The following PSME2 variants were observed in gnomAD, a reference collection of about 807,000 sequenced individuals.
The protein encoded by PSME2 is proteasome activator complex subunit 2.
PSME2 carries 20 observed loss-of-function variants against 38.8 expected under a neutral mutation model. The observed-to-expected ratio is 0.52, with a 90% CI of 0.36 to 0.75. The LOEUF is 0.75. PSME2 is among the 30% of genes least tolerant of loss of function. The pLI is 0.00. For synonymous variants in PSME2, 82 were observed against 102.5 expected, an observed-to-expected ratio of 0.80 and a Z score of 1.21; for missense variants, 227 against 287.6, an observed-to-expected ratio of 0.79 and a Z score of 1.52.
chr14:24,143,778 C>A lies in PSME2; in HGVS notation c.553-107G>T. On this transcript the variant is annotated intron_variant, in intron 9 of 10. Coordinates refer to ENST00000216802, the MANE Select transcript of PSME2 (RefSeq NM_002818.3). The surrounding 1 kb of genome is among the most constrained non-coding windows in gnomAD (Gnocchi z 4.4). ...AACTTGAGAATGAACCCCTTCTTAG[C>A]ACCAAGAAATAGGATCCCAAAGGAC... 7.4e-7 allele frequency: 1 copy of A among 1,344,498 alleles called. No individual in the cohort carries two copies. Among genetic ancestry groups the A allele is most frequent in the Non-Finnish European group, 1.1e-6 (1 of 949,972 alleles). 83.3% of individuals were successfully genotyped at this position (1,344,498 alleles called of 1,614,324 possible). A position where few individuals can be genotyped will look rare whatever the true frequency, so the allele number is the denominator to read the frequency against.
intron 6 of PSME2, 119 bp from the exon 7 acceptor site, chr14:24,144,587 GCCAT>G: frequency 1.1e-6 from 1 of 922,978 alleles, no homozygotes; most frequent in Non-Finnish European, 1.7e-6. Flanking sequence ...CAGGTACTGT[GCCAT>G]GTATTTATTT....
Position 24,145,391 on chromosome 14 carries a change from G to C in PSME2, c.219C>G (p.Pro73=), listed in dbSNP as rs1320090892. The change falls in exon 4 of 11, where the codon CCC becomes CCG. Residue 73 remains proline (P), a synonymous_variant. Coordinates refer to ENST00000216802, the MANE Select transcript of PSME2 (RefSeq NM_002818.3). The stretch of plus-strand genomic sequence containing the variant: ...CTGAGTGCCTCACCTCATCATCCTT[G>C]GGTGGAGGGTCTGGGATGGGGATGT... ...PLDIPIPDPP[P]KDDEMETDKQ... is the part of the protein sequence containing the mutation. 1 of 1,589,348 alleles carries C rather than the reference G, an allele frequency of 6.3e-7. No homozygotes were observed. The highest frequency in any genetic ancestry group is 2.2e-5 in the East Asian group (1 of 44,802).
rs1594369155 is a variant in PSME2, at chr14:24,144,481, G to A, written c.361-13C>T. On this transcript the variant is annotated splice_polypyrimidine_tract_variant and intron_variant, in intron 6 of 10. Coordinates refer to ENST00000216802, the MANE Select transcript of PSME2 (RefSeq NM_002818.3). The stretch of plus-strand genomic sequence containing the variant: ...TCCATGTAATCACCTGTGTTAAGAG[G>A]TATCATGTAAGAATCATTCAACAAA... 1.2e-6 allele frequency: 2 copies of A among 1,602,004 alleles called. No homozygotes were observed. The highest frequency in any genetic ancestry group is 1.3e-5 in the African/African-American group (1 of 74,682).
intron 1 of PSME2, 48 bp downstream of exon 1, chr14:24,146,486 A>C: frequency 6.2e-7 from 1 of 1,612,330 alleles, no homozygotes. Flanking sequence ...CTTGGCCTCC[A>C]CCCAAGAGGG....
At position 24,145,286 on chromosome 14, in the gene PSME2, G is replaced by C. The variant is rs371053030; in HGVS notation, c.232-13C>G. On this transcript the variant is annotated splice_polypyrimidine_tract_variant and intron_variant, in intron 4 of 10. Transcript: ENST00000216802. ...TATCTGTTTCCATCTAAGGCAAAAA[G>C]GGGGGAAAGTAGCTTTAGAAAAGTC... The C allele has an allele frequency of 2.1e-5, 34 of 1,613,818 alleles. No individual in the cohort carries two copies. In the African/African-American group the frequency reaches 4.4e-4, roughly 21 times the overall value.
rs2038112949 is a variant in PSME2 at position 24,143,897 on chromosome 14, A to G, written c.552+78T>C. ...TATTCTCCACATTGGGAAAGTCACA[A>G]ACAAGACAAGGAGGACTTCTTCCTC... On this transcript the variant is annotated intron_variant, in intron 9 of 10. Transcript: ENST00000216802. This position sits in a 1 kb window ranked among gnomAD's most constrained non-coding sequence, Gnocchi z 4.4. The G allele has an allele frequency of 4.6e-6, 7 of 1,535,426 alleles. No individual in the cohort carries two copies. The highest frequency in any genetic ancestry group is 6.3e-6 in the Non-Finnish European group (7 of 1,112,670).
At chr14:24,145,011 C>A (rs373106268) in intron 6 of PSME2, 47 bp downstream of exon 6, 12 of 1,556,620 alleles carry the variant, frequency 7.7e-6, no homozygotes, top group Middle Eastern at 1.7e-4. Flanking sequence ...TCCAGGGCCT[C>A]ACCTTGTGTG....
At chr14:24,144,329 TC>T (rs1798856688) in intron 7 of PSME2, 70 bp from the exon 8 acceptor site, 2 of 1,609,204 alleles carry the variant, frequency 1.2e-6, no homozygotes. Context: ...TTCCTCCTCC[TC>T]CTGGTTCATG....
rs1157937072 is a variant in PSME2, at chr14:24,146,070, G to A, written c.81+138C>T. 3.7e-6 allele frequency: 4 copies of A among 1,066,948 alleles called. No individual in the cohort carries two copies. In the African/African-American group the frequency reaches 4.7e-5, roughly 13 times the overall value. 66.1% of individuals were successfully genotyped at this position (1,066,948 alleles called of 1,614,324 possible). A position where few individuals can be genotyped will look rare whatever the true frequency, so the allele number is the denominator to read the frequency against. On this transcript the variant is annotated intron_variant, in intron 2 of 10. Transcript: ENST00000216802. ...ATTAAAGGTAGCTATCAATAATTCC[G>A]GGGTTACTTTGGGTGAAGGCTTGGT...
intron 1 of PSME2, 60 bp from the exon 2 acceptor site, chr14:24,146,300 C>T: frequency 1.3e-6 from 2 of 1,593,674 alleles, no homozygotes; most frequent in Non-Finnish European, 1.7e-6. Context: ...AAGCTTCCAC[C>T]CACAACAGGG....
chr14:24,143,878 C>G lies in PSME2; in HGVS notation c.552+97G>C. On this transcript the variant is annotated intron_variant, in intron 9 of 10. Transcript: ENST00000216802. The surrounding 1 kb of genome is among the most constrained non-coding windows in gnomAD (Gnocchi z 4.4). ...GGTAATGCTTTTAGCTTAATATTCT[C>G]CACATTGGGAAAGTCACAAACAAGA... 1 of 1,471,116 alleles carries G rather than the reference C, an allele frequency of 6.8e-7. No individual in the cohort carries two copies. The highest frequency in any genetic ancestry group is 1.1e-5 in the South Asian group (1 of 87,372). 91.1% of individuals were successfully genotyped at this position (1,471,116 alleles called of 1,614,324 possible). A position where few individuals can be genotyped will look rare whatever the true frequency, so the allele number is the denominator to read the frequency against.
intron 6 of PSME2, 134 bp from the exon 7 acceptor site, chr14:24,144,602 C>T: frequency 6.0e-6 from 5 of 836,048 alleles, no homozygotes; most frequent in Middle Eastern, 3.5e-4. Flanking sequence ...GTATTTATTT[C>T]ATGTAATCAT....
In PSME2 at chr14:24,144,096, C is replaced by T. The variant is rs2038115924; in HGVS notation, c.498-67G>A. 2.5e-6 allele frequency: 4 copies of T among 1,610,564 alleles called. No homozygotes were observed. In the East Asian group the frequency reaches 8.9e-5, roughly 36 times the overall value. On this transcript the variant is annotated intron_variant, in intron 8 of 10. Coordinates refer to ENST00000216802, the MANE Select transcript of PSME2 (RefSeq NM_002818.3). Reference sequence around the variant, plus strand: ...GAGATGTACTCCCTCAGACCCTTCCCAAAGTCTCCCATCATCCTGATAGGG... The same window carrying T: ...GAGATGTACTCCCTCAGACCCTTCCTAAAGTCTCCCATCATCCTGATAGGG...
chr14:24,145,229 C>A lies in PSME2; in HGVS notation c.262+14G>T. The A allele has an allele frequency of 6.2e-7, 1 of 1,613,908 alleles. No individual in the cohort carries two copies. The highest frequency in any genetic ancestry group is 8.5e-7 in the Non-Finnish European group (1 of 1,179,776). On this transcript the variant is annotated intron_variant, in intron 5 of 10. Coordinates refer to ENST00000216802, the MANE Select transcript of PSME2 (RefSeq NM_002818.3). ...GCCATCACCCCTTCCCTAGTCACCT[C>A]TTATCTCTCTTACCTTCTTTCTTCT... is the stretch of plus-strand genomic sequence containing the variant.
In PSME2 at chr14:24,146,571, G is replaced by A. The variant is rs1325194584; in HGVS notation, c.11C>T (p.Pro4Leu). ...TTCCCCGCTCAGGCGCACCCCACAC[G>A]GCTTGGCCATGCTGCTTCAGTCGCT... MAKPCGVRLSGEAR... is the reference protein window; with the variant it reads MAKLCGVRLSGEAR... The change falls in exon 1 of 11, where the codon CCG (proline) becomes CTG (leucine). Residue 4 changes from proline (P) to leucine (L), a missense_variant. Coordinates refer to ENST00000216802, the MANE Select transcript of PSME2 (RefSeq NM_002818.3). 3 of 1,613,560 alleles carry A rather than the reference G, an allele frequency of 1.9e-6. No individual in the cohort carries two copies. Among genetic ancestry groups the A allele is most frequent in the East Asian group, 2.2e-5 (1 of 44,896 alleles).
At chr14:24,144,539 TAAA>T (rs2038122329) in intron 6 of PSME2, 71 bp from the exon 7 acceptor site, 1 of 1,445,504 alleles carries the variant, frequency 6.9e-7, no homozygotes, top group African/African-American at 1.4e-5. Flanking sequence ...TGTCACTTCC[TAAA>T]AAAAGTTATA....
At chr14:24,144,625 C>T in intron 6 of PSME2, 157 bp from the exon 7 acceptor site, 1 of 724,614 alleles carries the variant, frequency 1.4e-6, no homozygotes, top group Non-Finnish European at 2.3e-6. Flanking sequence ...CAGCAACCTT[C>T]AGAGATATGT....
rs773922863 is a variant in PSME2, at chr14:24,145,775, G to A, written c.82-3C>T. The stretch of plus-strand genomic sequence containing the variant: ...AATCTGTAGAGGAATTCCTCAGCCT[G>A]TGGGTTACATTGCAAGGGAGGGGAA... On this transcript the variant is annotated splice_region_variant and splice_polypyrimidine_tract_variant and intron_variant, in intron 2 of 10. Transcript: ENST00000216802. 8 of 1,612,420 alleles carry A rather than the reference G, an allele frequency of 5.0e-6. No homozygotes were observed. The highest frequency in any genetic ancestry group is 6.8e-6 in the Non-Finnish European group (8 of 1,178,460).
rs371863859 is a variant in PSME2, at chr14:24,143,933, C to T, written c.552+42G>A. The T allele has an allele frequency of 6.8e-4, 1,079 of 1,596,150 alleles. 12 individuals carry two copies. In the Admixed American group the frequency reaches 0.014, roughly 20 times the overall value. On this transcript the variant is annotated intron_variant, in intron 9 of 10. Transcript: ENST00000216802. This position sits in a 1 kb window ranked among gnomAD's most constrained non-coding sequence, Gnocchi z 4.4. ...GAGGACTTCTTCCTCCACACCTCCT[C>T]GTCCCACACCCAGCTAAAAGGCTGG...
Sources: allele counts gnomAD v4.1 joint callset, GRCh38; gene constraint gnomAD v4.1.1; non-coding constraint Gnocchi (gnomAD v3.1); transcripts MANE v1.5; gene names NCBI Gene and HGNC (gene_info 2026-07-23, HGNC 2026-07-21).